Variants in DNAH14 observed in about 807,000 individuals in gnomAD.
DNAH14 encodes the protein dynein axonemal heavy chain 14, also known as axonemal beta dynein heavy chain 14.
DNAH14 carries 478 observed loss-of-function variants against 520.9 expected under a neutral mutation model. The observed-to-expected ratio is 0.92, with a 90% CI of 0.85 to 0.99. The LOEUF is 0.99. Among genes scored for constraint, DNAH14 ranks in the 50% least tolerant of loss-of-function variants. The pLI is 0.00. For synonymous variants in DNAH14, 1,581 were observed against 1,757.2 expected, an observed-to-expected ratio of 0.90 and a Z score of 2.51; for missense variants, 4,831 against 5,234.5, an observed-to-expected ratio of 0.92 and a Z score of 2.38.
chr1:225,134,253 G>A (rs559957850), intron 27 of DNAH14, among the ~76,000 whole-genome samples: 82 of 151,980 alleles, frequency 5.4e-4, no homozygotes, highest in African/African-American at 1.9e-3. Flanking sequence ...CTGGAACTTC[G>A]AATACTATGT....
chr1:224,970,116 C>T (rs945954826), intron 7 of DNAH14, among the ~76,000 whole-genome samples: 7 of 152,152 alleles, frequency 4.6e-5, no homozygotes, highest in Middle Eastern at 3.2e-3. Flanking sequence ...TTCTTTTTCT[C>T]AGCAAGGAAC....
chr1:225,276,056 T>A lies in DNAH14; in HGVS notation c.8153T>A (p.Met2718Lys). Residue 2718 changes from methionine to lysine, a missense_variant, in exon 53 of 86, where the codon ATG becomes AAG. Met to Lys is a moderately conservative substitution (Grantham distance 95). Transcript: ENST00000682510. Reference sequence around the variant, plus strand: ...GCCAGTGTACTTGATGAATTCCAAATGAAGTTGGGTTCAATTTCTTTGGAG... The same window carrying A: ...GCCAGTGTACTTGATGAATTCCAAAAGAAGTTGGGTTCAATTTCTTTGGAG... ...KLASVLDEFQ[M>K]KLGSISLELS... 2.8e-6 allele frequency: 1 copy of A among 359,010 alleles called. No homozygotes were observed. The highest frequency in any genetic ancestry group is 2.5e-5 in the South Asian group (1 of 40,688). The allele number at this position is 359,010 out of a possible 1,614,324, so 22.2% of individuals were successfully genotyped here.
At chr1:224,977,504 A>G (rs1443245041) in intron 8 of DNAH14, among the ~76,000 whole-genome samples, 3 of 152,178 alleles carry the variant, frequency 2.0e-5, no homozygotes, top group Non-Finnish European at 4.4e-5. Context: ...AATAAAAAAG[A>G]ATGTTCTTAT....
At chr1:225,039,655 A>G (rs112331542) in intron 12 of DNAH14, among the ~76,000 whole-genome samples, 6,264 of 151,540 alleles carry the variant, frequency 0.041, 211 homozygotes, top group Non-Finnish European at 0.061. Flanking sequence ...TGAGATTTAA[A>G]CTTTATATGT....
intron 22 of DNAH14, among the ~76,000 whole-genome samples, chr1:225,098,780 A>G (rs1257739789): frequency 3.3e-5 from 5 of 152,206 alleles, no homozygotes; most frequent in African/African-American, 1.2e-4. Context: ...CTTTTACTAA[A>G]GATTAGAATT....
At chr1:225,036,126 T>A (rs118166321) in intron 11 of DNAH14, among the ~76,000 whole-genome samples, 1,899 of 152,216 alleles carry the variant, frequency 0.012, 128 homozygotes, top group Admixed American at 0.11. Flanking sequence ...ACTAAGAGGT[T>A]TTTTTTCTTT....
chr1:225,181,292 A>C (rs1038679273), intron 36 of DNAH14, among the ~76,000 whole-genome samples: 46 of 152,278 alleles, frequency 3.0e-4, no homozygotes, highest in African/African-American at 1.1e-3. Context: ...TGAACATATG[A>C]ATGTAGATAC....
intron 38 of DNAH14, 111 bp downstream of exon 38, chr1:225,193,022 A>G (rs1167625768): frequency 2.4e-6 from 2 of 836,618 alleles, no homozygotes; most frequent in East Asian, 5.7e-5. Flanking sequence ...GTAAAAGTAA[A>G]TTTTAAAATC....
intron 48 of DNAH14, 83 bp from the exon 49 acceptor site, chr1:225,266,558 T>C (rs1396852260): frequency 3.7e-6 from 4 of 1,088,872 alleles, no homozygotes; most frequent in South Asian, 2.6e-5. Context: ...AATTTGTGCT[T>C]ACCCCAACCA....
chr1:225,252,808 T>C (rs1323850577), intron 44 of DNAH14, among the ~76,000 whole-genome samples: 2 of 152,134 alleles, frequency 1.3e-5, no homozygotes, highest in East Asian at 3.8e-4. Flanking sequence ...AAAATGCTAA[T>C]TAGAAAAGAA....
intron 26 of DNAH14, among the ~76,000 whole-genome samples, chr1:225,121,867 G>A (rs2077323510): frequency 6.6e-6 from 1 of 150,980 alleles, no homozygotes; most frequent in Non-Finnish European, 1.5e-5. Flanking sequence ...TAAATAAATA[G>A]AAATAAATAA....
At chr1:225,069,753 T>G (rs1323851640) in intron 17 of DNAH14, among the ~76,000 whole-genome samples, 1 of 152,142 alleles carries the variant, frequency 6.6e-6, no homozygotes, top group Non-Finnish European at 1.5e-5. Flanking sequence ...CCTTCATTTT[T>G]AAGTTTTTGG....
At chr1:225,136,255 G>A (rs78455303) in intron 27 of DNAH14, among the ~76,000 whole-genome samples, 11,103 of 152,176 alleles carry the variant, frequency 0.073, 633 homozygotes, top group East Asian at 0.24. Context: ...AGTGTCACTA[G>A]TCTGTGTACA....
At chr1:225,021,940 A>G (rs1484351603) in intron 10 of DNAH14, among the ~76,000 whole-genome samples, 1 of 152,198 alleles carries the variant, frequency 6.6e-6, no homozygotes, top group Non-Finnish European at 1.5e-5. Flanking sequence ...TACATAGACC[A>G]ATGGAACAAA....
At position 225,109,348 on chromosome 1, in the gene DNAH14, T is replaced by C. The variant is rs193234302; in HGVS notation, c.3868-8336T>C. On this transcript the variant is annotated intron_variant, in intron 23 of 85. Transcript: ENST00000682510. Reference sequence around the variant, plus strand: ...ATATTGATTCTTGCAATTCATGTAATATGGAATATCTTTCCATTTTTTGGT... The same window carrying C: ...ATATTGATTCTTGCAATTCATGTAACATGGAATATCTTTCCATTTTTTGGT... Among the ~76,000 whole-genome samples the C allele has an allele frequency of 1.8e-4, 28 of 152,284 alleles. No individual in the cohort carries two copies. In the East Asian group the frequency reaches 3.1e-3, roughly 17 times the overall value.
At chr1:225,076,593 A>T (rs1572895102) in intron 17 of DNAH14, among the ~76,000 whole-genome samples, 1 of 152,304 alleles carries the variant, frequency 6.6e-6, no homozygotes, top group Non-Finnish European at 1.5e-5. Context: ...CTTGACCCAC[A>T]TAGTGACACT....
In DNAH14 at chr1:225,346,331, A is replaced by G; in HGVS notation, c.11048A>G (p.Asp3683Gly). 1 of 1,539,868 alleles carries G rather than the reference A, an allele frequency of 6.5e-7. No homozygotes were observed. The highest frequency in any genetic ancestry group is 8.7e-7 in the Non-Finnish European group (1 of 1,143,838). ...PNLENEKNLL[D>G]KHIKSAIDML... is the part of the protein sequence containing the mutation. The stretch of plus-strand genomic sequence containing the variant: ...CTGGAAAATGAGAAAAATCTCTTAG[A>G]TAAGCATATTAAAAGTGCAATAGAC... Residue 3683 changes from aspartate (D) to glycine (G), a missense_variant, in exon 70 of 86, where the codon GAT (aspartate) becomes GGT (glycine). Asp to Gly is a moderately conservative substitution (Grantham distance 94). Coordinates refer to ENST00000682510, the MANE Select transcript of DNAH14 (RefSeq NM_001367479.1).
intron 28 of DNAH14, among the ~76,000 whole-genome samples, chr1:225,142,684 T>C (rs2079562871): frequency 6.6e-6 from 1 of 152,140 alleles, no homozygotes; most frequent in African/African-American, 2.4e-5. Context: ...ATCCCAGCTC[T>C]TTGGGAGGGA....
chr1:225,361,829 G>C (rs1176171545), intron 75 of DNAH14, among the ~76,000 whole-genome samples: 1 of 151,956 alleles, frequency 6.6e-6, no homozygotes, highest in African/African-American at 2.4e-5. Flanking sequence ...AGACCAGCCT[G>C]GGCAACAGAG....
Sources: gnomAD v4.1 joint callset for allele counts (sites outside exome capture counted in the v4.1 genomes callset) on GRCh38, gnomAD v4.1.1 for gene constraint, MANE v1.5 for transcripts, NCBI Gene and HGNC (gene_info 2026-07-23, HGNC 2026-07-21) for gene names.